ARID1B: variants seen among roughly 807,000 people sequenced by gnomAD.
ARID1B encodes the protein AT-rich interactive domain-containing protein 1B.
ARID1B carries 30 observed loss-of-function variants against 212.3 expected under a neutral mutation model. The ratio of observed to expected loss-of-function variants is 0.14; its 90% CI spans 0.11 to 0.19. The LOEUF (loss-of-function observed/expected upper bound fraction) is 0.19, where lower values mean the gene tolerates loss of function less well. Ranked by LOEUF, ARID1B falls within the 10% of genes least tolerant of loss-of-function variation. The probability of loss-of-function intolerance (pLI) is 1.00; values close to 1 mark genes in which losing one functional copy is unlikely to be tolerated. For missense variants in ARID1B, 2,891 were observed against 3,204.0 expected (o/e 0.90, Z 2.36); for synonymous variants, 1,402 against 1,301.7 (o/e 1.08, Z -1.66).
intron 12 of ARID1B, among the ~76,000 whole-genome samples, chr6:157,183,872 G>A (rs936687693): frequency 2.6e-5 from 4 of 152,180 alleles, no homozygotes; most frequent in Non-Finnish European, 4.4e-5. Flanking sequence ...GCTGGAATGA[G>A]CACTTTCACA....
At chr6:156,886,454 T>C (rs927615690) in intron 2 of ARID1B, among the ~76,000 whole-genome samples, 1 of 152,176 alleles carries the variant, frequency 6.6e-6, no homozygotes, top group Non-Finnish European at 1.5e-5. Flanking sequence ...CCCTGCTGGC[T>C]CTCTTGTATC....
chr6:157,067,742 C>T (rs1261130414), intron 4 of ARID1B, among the ~76,000 whole-genome samples: 3 of 152,178 alleles, frequency 2.0e-5, no homozygotes, highest in Non-Finnish European at 4.4e-5. Context: ...ACTCGTTCTG[C>T]GTACTGTGCA....
chr6:157,075,597 T>A (rs1784251206), intron 4 of ARID1B, among the ~76,000 whole-genome samples: 1 of 152,204 alleles, frequency 6.6e-6, no homozygotes, highest in South Asian at 2.1e-4. Flanking sequence ...GGACAGGGAA[T>A]AAAGTAACTT....
intron 1 of ARID1B, among the ~76,000 whole-genome samples, chr6:156,780,645 AAT>A (rs1342552727): frequency 2.6e-5 from 4 of 152,252 alleles, no homozygotes; most frequent in African/African-American, 9.6e-5. Context: ...TGCCACAAAT[AAT>A]AACTGAGCTC....
intron 8 of ARID1B, among the ~76,000 whole-genome samples, chr6:157,156,386 A>G (rs1180819030): frequency 1.3e-5 from 2 of 152,178 alleles, no homozygotes; most frequent in South Asian, 4.1e-4. Context: ...TTCTCTTCAA[A>G]ATTTAGAATT....
At chr6:157,069,665 T>C (rs1260277403) in intron 4 of ARID1B, among the ~76,000 whole-genome samples, 1 of 152,244 alleles carries the variant, frequency 6.6e-6, no homozygotes, top group Non-Finnish European at 1.5e-5. Flanking sequence ...GTTTGAATAC[T>C]CAGATCATAG....
chr6:157,203,859 T>TCTTCA lies in ARID1B; in HGVS notation c.5264-6_5264-2dup. The TCTTCA allele has an allele frequency of 1.2e-6, 2 of 1,614,122 alleles. No homozygotes were observed. The highest frequency in any genetic ancestry group is 1.7e-6 in the Non-Finnish European group (2 of 1,179,962). On this transcript the variant is annotated splice_region_variant and splice_polypyrimidine_tract_variant and intron_variant, in intron 18 of 19. Transcript: ENST00000636930. The surrounding 1 kb of genome is among the most constrained non-coding windows in gnomAD (Gnocchi z 4.4). ...TTCATGATATCCTTGTTCTTCCCCATCTTCAGTTACTCCTGAGGCGTGGCG... is the reference window on the plus strand; with the variant it reads ...TTCATGATATCCTTGTTCTTCCCCATCTTCACTTCAGTTACTCCTGAGGCGTGGCG...
chr6:157,052,071 G>A (rs1182211848), intron 4 of ARID1B, among the ~76,000 whole-genome samples: 2 of 152,162 alleles, frequency 1.3e-5, no homozygotes, highest in Admixed American at 1.3e-4. Context: ...TCTATATATT[G>A]TGGGCTTCCA....
chr6:157,140,553 A>AT (rs1003288505), intron 7 of ARID1B: 7 of 398,368 alleles, frequency 1.8e-5, no homozygotes, highest in African/African-American at 1.2e-4. Context: ...TAGTTACTAT[A>AT]TTTTTTTCCC....
chr6:157,084,920 G>A lies in ARID1B; in HGVS notation c.2491+15G>A, dbSNP rs772100618. On this transcript the variant is annotated intron_variant, in intron 5 of 19. Transcript: ENST00000636930. ...AAGTATCCCAGGTATTTACTTTCCT[G>A]ACAATTATTATTTTACTTTGTGATA... The A allele has an allele frequency of 1.9e-6, 3 of 1,590,294 alleles. No homozygotes were observed. The highest frequency in any genetic ancestry group is 2.6e-6 in the Non-Finnish European group (3 of 1,168,512).
rs189481274 is a variant in ARID1B, at chr6:157,192,241, T to A, written c.4231+2031T>A. ...TTGGTGGCTTTAGACTCTGAAAATA[T>A]GACAACATGGAAAAAAATAATTAGT... On this transcript the variant is annotated intron_variant, in intron 15 of 19. Transcript: ENST00000636930. Among the ~76,000 whole-genome samples, 635 of 152,286 alleles carry A rather than the reference T, an allele frequency of 4.2e-3. 6 individuals carry two copies. The highest frequency in any genetic ancestry group is 6.0e-3 in the Non-Finnish European group (411 of 68,020).
chr6:156,810,062 A>G (rs1562401806), intron 1 of ARID1B, among the ~76,000 whole-genome samples: 4 of 152,208 alleles, frequency 2.6e-5, no homozygotes, highest in Admixed American at 1.3e-4. Flanking sequence ...GCTGCTTTAC[A>G]TGTGAAATAT....
At chr6:156,786,937 T>G (rs1779676423) in intron 1 of ARID1B, among the ~76,000 whole-genome samples, 1 of 150,038 alleles carries the variant, frequency 6.7e-6, no homozygotes, top group Non-Finnish European at 1.5e-5. Context: ...CAGCAGTCTA[T>G]TTGGCCTGCT....
intron 4 of ARID1B, among the ~76,000 whole-genome samples, chr6:156,988,046 C>G (rs903338395): frequency 6.6e-6 from 1 of 152,030 alleles, no homozygotes; most frequent in Non-Finnish European, 1.5e-5. Context: ...TAGATGCTTA[C>G]TGTTGGTACA....
chr6:156,917,444 G>A (rs895352001), intron 3 of ARID1B, among the ~76,000 whole-genome samples: 2 of 152,292 alleles, frequency 1.3e-5, no homozygotes, highest in East Asian at 1.9e-4. Flanking sequence ...TGACGGTGCC[G>A]TGGGAGGGGT....
chr6:156,934,884 A>C (rs1409603180), intron 3 of ARID1B, among the ~76,000 whole-genome samples: 1 of 130,840 alleles, frequency 7.6e-6, no homozygotes. Flanking sequence ...AGTACTTGGT[A>C]TGGTCTCATA....
At chr6:156,834,464 ATG>A (rs899475144) in intron 2 of ARID1B, among the ~76,000 whole-genome samples, 1 of 152,226 alleles carries the variant, frequency 6.6e-6, no homozygotes, top group African/African-American at 2.4e-5. Context: ...ACGCTCCCAC[ATG>A]TGTGTAAAAA....
intron 18 of ARID1B, among the ~76,000 whole-genome samples, chr6:157,202,823 GAC>G (rs1412792078): frequency 1.3e-5 from 2 of 150,916 alleles, no homozygotes; most frequent in Non-Finnish European, 2.9e-5. Context: ...GAGAGAAGGA[GAC>G]ACAGACACTG....
At chr6:156,922,037 C>CT (rs1235057671) in intron 3 of ARID1B, among the ~76,000 whole-genome samples, 1 of 152,208 alleles carries the variant, frequency 6.6e-6, no homozygotes, top group Non-Finnish European at 1.5e-5. Flanking sequence ...AAAAGAAGGT[C>CT]TGTACCTCTT....
Sources: gnomAD v4.1 joint callset for allele counts (sites outside exome capture counted in the v4.1 genomes callset) on GRCh38, gnomAD v4.1.1 for gene constraint, Gnocchi (gnomAD v3.1) non-coding constraint, MANE v1.5 for transcripts, NCBI Gene and HGNC (gene_info 2026-07-23, HGNC 2026-07-21) for gene names.